The following TLE1 variants were observed in gnomAD, a reference collection of about 807,000 sequenced individuals.
The protein encoded by TLE1 is transducin-like enhancer protein 1.
A neutral mutation model predicts 89.8 loss-of-function variants in TLE1; 21 were observed. The observed-to-expected ratio is 0.23, with a 90% confidence interval of 0.17 to 0.34. The LOEUF is 0.34. Among genes scored for constraint, TLE1 ranks in the 10% least tolerant of loss-of-function variants. The pLI is 1.00. For missense variants in TLE1, 795 were observed against 1,031.2 expected (o/e 0.77, Z 3.14); for synonymous variants, 447 against 407.6 (o/e 1.10, Z -1.16).
intron 2 of TLE1, among the ~76,000 whole-genome samples, chr9:81,686,188 C>T (rs1335446026): frequency 6.6e-6 from 1 of 152,156 alleles, no homozygotes; most frequent in African/African-American, 2.4e-5. Context: ...TCATCTGCTC[C>T]CTACCTTCCT....
chr9:81,651,301 A>T (rs1418006527), intron 6 of TLE1, among the ~76,000 whole-genome samples: 2 of 152,156 alleles, frequency 1.3e-5, no homozygotes, highest in African/African-American at 4.8e-5. Context: ...CTTAGTGTGG[A>T]AGGGGACGAA....
At chr9:81,665,721 T>G (rs1444936922) in intron 4 of TLE1, among the ~76,000 whole-genome samples, 1 of 152,170 alleles carries the variant, frequency 6.6e-6, no homozygotes, top group African/African-American at 2.4e-5. Context: ...AATGCATTCA[T>G]TTTTAATAGC....
chr9:81,625,240 C>T (rs573657843), intron 8 of TLE1, among the ~76,000 whole-genome samples: 1 of 152,302 alleles, frequency 6.6e-6, no homozygotes, highest in South Asian at 2.1e-4. Context: ...TCACTGGCAA[C>T]AAGCAAATTG....
intron 4 of TLE1, among the ~76,000 whole-genome samples, chr9:81,684,037 G>A (rs1036460894): frequency 6.6e-6 from 1 of 151,714 alleles, no homozygotes; most frequent in Admixed American, 6.6e-5. Flanking sequence ...TTGTAAAAGA[G>A]TCAATGAGGT....
At chr9:81,671,914 A>G (rs1832276950) in intron 4 of TLE1, among the ~76,000 whole-genome samples, 1 of 152,218 alleles carries the variant, frequency 6.6e-6, no homozygotes, top group Admixed American at 6.5e-5. Context: ...GTAGCTGTGC[A>G]GAGACATTGG....
intron 4 of TLE1, among the ~76,000 whole-genome samples, chr9:81,682,958 T>C (rs1452931843): frequency 2.0e-5 from 3 of 152,222 alleles, no homozygotes; most frequent in Non-Finnish European, 4.4e-5. Flanking sequence ...AGGCAAGGCT[T>C]ATCAGGAAGT....
At position 81,688,262 on chromosome 9, in the gene TLE1, T is replaced by C. The variant is rs1243008820; in HGVS notation, c.-22A>G. On this transcript the variant is annotated 5_prime_UTR_variant, in exon 1 of 20. Transcript: ENST00000376499. ...ACATCGCTCTGGCGGCGGCCGGGGCTCTGTTCCCCGGCAACTCAATTCTCC... is the reference window on the plus strand; with the variant it reads ...ACATCGCTCTGGCGGCGGCCGGGGCCCTGTTCCCCGGCAACTCAATTCTCC... 1.0e-5 allele frequency: 16 copies of C among 1,569,604 alleles called. No individual in the cohort carries two copies. The highest frequency in any genetic ancestry group is 1.3e-5 in the Non-Finnish European group (15 of 1,161,308).
chr9:81,596,209 C>T (rs1300456663), intron 14 of TLE1, among the ~76,000 whole-genome samples: 1 of 152,142 alleles, frequency 6.6e-6, no homozygotes, highest in East Asian at 1.9e-4. Flanking sequence ...GCACAGGAGG[C>T]CTGCGATCAT....
intron 4 of TLE1, among the ~76,000 whole-genome samples, chr9:81,675,649 T>C (rs2133030352): frequency 6.6e-6 from 1 of 151,794 alleles, no homozygotes; most frequent in Non-Finnish European, 1.5e-5. Flanking sequence ...ATAAGGTTAT[T>C]AGAACTGAAA....
chr9:81,616,004 A>G lies in TLE1; in HGVS notation c.896T>C (p.Leu299Ser), dbSNP rs751499189. 6.2e-7 allele frequency: 1 copy of G among 1,613,836 alleles called. No individual in the cohort carries two copies. The highest frequency in any genetic ancestry group is 8.5e-7 in the Non-Finnish European group (1 of 1,179,996). Residue 299 changes from leucine (L) to serine (S), a missense_variant, in exon 11 of 20, where the codon TTG (leucine) becomes TCG (serine). Coordinates refer to ENST00000376499, the MANE Select transcript of TLE1 (RefSeq NM_005077.5). ...STASSASSTSLKSKEMSLHEK... is the reference protein window; with the variant it reads ...STASSASSTSSKSKEMSLHEK... ...TACCAAGCTCATTTCTTTGGATTTC[A>G]AAGAAGTGGAACTTGCCGAGGAGGC...
chr9:81,675,336 A>C (rs1348087030), intron 4 of TLE1, among the ~76,000 whole-genome samples: 3 of 152,136 alleles, frequency 2.0e-5, no homozygotes, highest in Non-Finnish European at 4.4e-5. Flanking sequence ...CTAAGTAAAT[A>C]ATCAGTGGTT....
intron 4 of TLE1, among the ~76,000 whole-genome samples, chr9:81,669,748 T>TA (rs1279362763): frequency 6.6e-6 from 1 of 152,208 alleles, no homozygotes; most frequent in Non-Finnish European, 1.5e-5. Context: ...TTTCAATCCT[T>TA]AGATACAAAA....
chr9:81,654,087 G>C, intron 4 of TLE1, 51 bp from the exon 5 acceptor site: 1 of 1,586,562 alleles, frequency 6.3e-7, no homozygotes, highest in Non-Finnish European at 8.6e-7. Context: ...AATCAGTTCA[G>C]AAAGGTAAAA....
At chr9:81,623,968 T>C (rs1302617052) in intron 8 of TLE1, among the ~76,000 whole-genome samples, 3 of 152,004 alleles carry the variant, frequency 2.0e-5, no homozygotes, top group African/African-American at 7.3e-5. Flanking sequence ...GAGACAGAGG[T>C]GATTTGCCTG....
At chr9:81,626,963 A>G (rs1010614417) in intron 8 of TLE1, among the ~76,000 whole-genome samples, 1 of 152,110 alleles carries the variant, frequency 6.6e-6, no homozygotes, top group Non-Finnish European at 1.5e-5. Flanking sequence ...CAAAATCTCT[A>G]TGTCAAAGCT....
chr9:81,602,343 C>T (rs1831048806), intron 14 of TLE1, among the ~76,000 whole-genome samples: 1 of 152,200 alleles, frequency 6.6e-6, no homozygotes, highest in Non-Finnish European at 1.5e-5. Context: ...CAAAATGCTT[C>T]AGGACCAGAA....
intron 17 of TLE1, among the ~76,000 whole-genome samples, chr9:81,585,980 A>T (rs540916390): frequency 1.3e-5 from 2 of 151,888 alleles, no homozygotes; most frequent in East Asian, 3.9e-4. Context: ...ATCACCTATC[A>T]AGGGGGATAC....
chr9:81,679,660 A>G lies in TLE1; in HGVS notation c.234+6016T>C, dbSNP rs183699777. Reference sequence around the variant, plus strand: ...GTCAAATAAGCCCACCGACAGAAACAGCTGTCTAAAATTTACTTAAAAACC... The same window carrying G: ...GTCAAATAAGCCCACCGACAGAAACGGCTGTCTAAAATTTACTTAAAAACC... On this transcript the variant is annotated intron_variant, in intron 4 of 19. Coordinates refer to ENST00000376499, the MANE Select transcript of TLE1 (RefSeq NM_005077.5). Among the ~76,000 whole-genome samples, 127 of 152,306 alleles carry G rather than the reference A, an allele frequency of 8.3e-4. 1 individual carries two copies. The highest frequency in any genetic ancestry group is 1.9e-4 in the Non-Finnish European group (13 of 68,032).
Position 81,590,910 on chromosome 9 carries a change from G to A in TLE1, c.1724C>T (p.Pro575Leu). 6.2e-7 allele frequency: 1 copy of A among 1,614,272 alleles called. No individual in the cohort carries two copies. Among genetic ancestry groups the A allele is most frequent in the Non-Finnish European group, 8.5e-7 (1 of 1,180,052 alleles). The change falls in exon 16 of 20, where the codon CCC (proline) becomes CTC (leucine). Residue 575 changes from proline (P) to leucine (L), a missense_variant. Around this residue, in one of 4 missense-constraint regions of TLE1, gnomAD observed 214 missense variants for 354.9 expected, o/e 0.60. Transcript: ENST00000376499. ...RIKAELTSSA[P>L]ACYALAISPD... is the part of the protein sequence containing the mutation. ...GCTGATGGCCAGGGCGTAGCAGGCG[G>A]GGGCCGAGGACGTCAGCTCCGCCTT...
Sources: gnomAD v4.1 joint callset for allele counts (sites outside exome capture counted in the v4.1 genomes callset) on GRCh38, gnomAD v4.1.1 for gene constraint, gnomAD v4.1.1 regional missense constraint, MANE v1.5 for transcripts, NCBI Gene and HGNC (gene_info 2026-07-23, HGNC 2026-07-21) for gene names.